SLC39A11: variants seen among roughly 807,000 people sequenced by gnomAD.
SLC39A11 encodes the protein zinc transporter ZIP11.
SLC39A11 carries 33 observed loss-of-function variants against 36.1 expected under a neutral mutation model. The ratio of observed to expected loss-of-function variants is 0.91; its 90% confidence interval spans 0.69 to 1.22. The LOEUF (loss-of-function observed/expected upper bound fraction) is 1.22. Ranked by LOEUF, SLC39A11 falls within the 50% of genes most tolerant of loss-of-function variation. The probability of loss-of-function intolerance (pLI) is 0.00; values close to 1 mark genes in which losing one functional copy is unlikely to be tolerated. For missense variants in SLC39A11, 432 were observed against 430.3 expected, an observed-to-expected ratio of 1.00 and a Z score of -0.03; for synonymous variants, 166 against 170.3, an observed-to-expected ratio of 0.97 and a Z score of 0.20.
chr17:73,092,266 C>G (rs2144988533), intron 1 of SLC39A11: 1 of 152,340 alleles, frequency 6.6e-6, no homozygotes, highest in Non-Finnish European at 1.5e-5. Flanking sequence ...TGCCTCTGCT[C>G]CCAGGAATCC....
At chr17:72,820,137 G>A (rs1255304476) in intron 6 of SLC39A11, among the ~76,000 whole-genome samples, 2 of 151,288 alleles carry the variant, frequency 1.3e-5, no homozygotes, top group East Asian at 1.9e-4. Context: ...ACTGACTATG[G>A]TCTTGGGTGA....
At chr17:72,817,579 T>C (rs910685014) in intron 6 of SLC39A11, among the ~76,000 whole-genome samples, 1 of 152,170 alleles carries the variant, frequency 6.6e-6, no homozygotes, top group Non-Finnish European at 1.5e-5. Context: ...GGTACACCCA[T>C]GGGAAGCGCT....
intron 4 of SLC39A11, among the ~76,000 whole-genome samples, chr17:73,028,034 A>G (rs61264876): frequency 2.0e-5 from 3 of 152,110 alleles, no homozygotes; most frequent in Non-Finnish European, 4.4e-5. Context: ...AAAGGGTGAG[A>G]GCCCCTTGGT....
intron 6 of SLC39A11, among the ~76,000 whole-genome samples, chr17:72,772,878 G>A (rs537271375): frequency 7.9e-5 from 12 of 152,178 alleles, no homozygotes; most frequent in Non-Finnish European, 1.6e-4. Context: ...GAGGTCAGGA[G>A]TTCAAGACCA....
In SLC39A11 at chr17:72,650,336, C is replaced by T. The variant is rs142780583; in HGVS notation, c.672-1068G>A. 4.9e-4 allele frequency among the ~76,000 whole-genome samples: 74 copies of T among 152,306 alleles called. 1 individual carries two copies. In the East Asian group the frequency reaches 0.013, roughly 27 times the overall value. On this transcript the variant is annotated intron_variant, in intron 7 of 9. Transcript: ENST00000255559. Reference sequence around the variant, plus strand: ...GAGGAGGGAGAAGCAAAATGGGATGCGTACAAATGCAATCTGTGACCACAT... The same window carrying T: ...GAGGAGGGAGAAGCAAAATGGGATGTGTACAAATGCAATCTGTGACCACAT...
chr17:72,758,305 G>A (rs2075439520), intron 6 of SLC39A11, among the ~76,000 whole-genome samples: 1 of 152,216 alleles, frequency 6.6e-6, no homozygotes, highest in African/African-American at 2.4e-5. Flanking sequence ...TAATAAAAAT[G>A]TGACAATAAG....
chr17:72,763,464 G>A (rs756039502), intron 6 of SLC39A11, among the ~76,000 whole-genome samples: 1 of 152,116 alleles, frequency 6.6e-6, no homozygotes, highest in Non-Finnish European at 1.5e-5. Context: ...GTATAATTTT[G>A]TTTTCCTAAT....
At chr17:72,748,093 G>A (rs989250497) in intron 6 of SLC39A11, among the ~76,000 whole-genome samples, 13 of 152,274 alleles carry the variant, frequency 8.5e-5, no homozygotes, top group Non-Finnish European at 1.5e-4. Flanking sequence ...AGGCCGAGGC[G>A]GGTGGATCAC....
intron 4 of SLC39A11, among the ~76,000 whole-genome samples, chr17:72,968,730 T>C (rs926100657): frequency 3.3e-5 from 5 of 152,086 alleles, no homozygotes; most frequent in African/African-American, 1.2e-4. Context: ...GTAAGAAAAA[T>C]GCAGCCACCA....
intron 5 of SLC39A11, among the ~76,000 whole-genome samples, chr17:72,884,835 CA>C (rs1331120370): frequency 6.6e-6 from 1 of 152,170 alleles, no homozygotes; most frequent in African/African-American, 2.4e-5. Context: ...AAAATCACAA[CA>C]GAATTCTAAA....
In SLC39A11 at chr17:72,794,826, T is replaced by C. The variant is rs777560713; in HGVS notation, c.601+54808A>G. Among the ~76,000 whole-genome samples, 13 of 152,042 alleles carry C rather than the reference T, an allele frequency of 8.6e-5. No individual in the cohort carries two copies. The East Asian group carries it at 2.3e-3, about 27-fold the overall frequency. ...TTGCTGTATAACAAGGTACCCAACA[T>C]TTAGCAGCTCAAAACAACACACATT... On this transcript the variant is annotated intron_variant, in intron 6 of 9. Coordinates refer to ENST00000255559, the MANE Select transcript of SLC39A11 (RefSeq NM_139177.4).
intron 5 of SLC39A11, 130 bp downstream of exon 5, chr17:72,947,622 G>C (rs1355873418): frequency 7.4e-7 from 1 of 1,347,674 alleles, no homozygotes; most frequent in Non-Finnish European, 1.0e-6. Context: ...TAGGGTGAGT[G>C]ATTCGGAGGG....
chr17:73,027,081 C>T (rs944065576), intron 4 of SLC39A11, among the ~76,000 whole-genome samples: 2 of 152,132 alleles, frequency 1.3e-5, no homozygotes, highest in African/African-American at 4.8e-5. Flanking sequence ...GCGATCATGC[C>T]ACTGCACTCC....
At chr17:72,835,990 T>C (rs1109539) in intron 6 of SLC39A11, among the ~76,000 whole-genome samples, 67,556 of 151,850 alleles carry the variant, frequency 0.44, 15,790 homozygotes, top group East Asian at 0.74. Context: ...GTGGTGGTGA[T>C]AGGTGTGCAG....
intron 5 of SLC39A11, among the ~76,000 whole-genome samples, chr17:72,928,794 G>A (rs1045383854): frequency 6.6e-6 from 1 of 152,124 alleles, no homozygotes; most frequent in Non-Finnish European, 1.5e-5. Context: ...TCTGGGAACC[G>A]AGCAAGAGTT....
chr17:72,806,592 CT>C (rs1215021857), intron 6 of SLC39A11, among the ~76,000 whole-genome samples: 1 of 151,834 alleles, frequency 6.6e-6, no homozygotes, highest in Non-Finnish European at 1.5e-5. Context: ...CACTTTTGCA[CT>C]TTTTTTTGAG....
intron 5 of SLC39A11, among the ~76,000 whole-genome samples, chr17:72,919,744 C>A (rs914428307): frequency 2.6e-5 from 4 of 151,784 alleles, no homozygotes; most frequent in Non-Finnish European, 4.4e-5. Flanking sequence ...GTGATGATGA[C>A]CCCGCGTGGG....
chr17:72,758,834 T>C (rs2075459064), intron 6 of SLC39A11, among the ~76,000 whole-genome samples: 1 of 152,332 alleles, frequency 6.6e-6, no homozygotes, highest in Non-Finnish European at 1.5e-5. Context: ...CTAACTTGTA[T>C]ACGCCAACCG....
chr17:73,039,426 C>A (rs1270369088), intron 3 of SLC39A11, among the ~76,000 whole-genome samples: 2 of 152,224 alleles, frequency 1.3e-5, no homozygotes, highest in Non-Finnish European at 2.9e-5. Flanking sequence ...CTGGCACCCC[C>A]ATCAGAGTAG....
Sources: allele counts gnomAD v4.1 joint callset (sites outside exome capture counted in the v4.1 genomes callset), GRCh38; gene constraint gnomAD v4.1.1; transcripts MANE v1.5; gene names NCBI Gene and HGNC (gene_info 2026-07-23, HGNC 2026-07-21).